The following CELF1 variants were observed in gnomAD, a reference collection of about 807,000 sequenced individuals.
CELF1 encodes the protein CUGBP Elav-like family member 1, also known as 50 kDa nuclear polyadenylated RNA-binding protein.
CELF1 carries 10 observed loss-of-function variants against 61.8 expected under a neutral mutation model. That is an observed-to-expected ratio of 0.16 (90% CI 0.10 to 0.27). CELF1 has a LOEUF of 0.27. Ranked by LOEUF, CELF1 falls within the 10% of genes least tolerant of loss-of-function variation. The pLI, the probability that CELF1 is intolerant of heterozygous loss-of-function variation, is 1.00. For missense variants in CELF1, 380 were observed against 639.1 expected (o/e 0.59, Z 4.37); for synonymous variants, 236 against 225.1 (o/e 1.05, Z -0.43).
chr11:47,526,933 C>T (rs1391333677), intron 1 of CELF1, among the ~76,000 whole-genome samples: 2 of 151,984 alleles, frequency 1.3e-5, no homozygotes, highest in African/African-American at 2.4e-5. Context: ...TGCCTGTAAT[C>T]CCAGCTACTC....
intron 1 of CELF1, among the ~76,000 whole-genome samples, chr11:47,515,650 T>C (rs557147033): frequency 5.3e-5 from 8 of 152,244 alleles, no homozygotes; most frequent in Non-Finnish European, 1.2e-4. Flanking sequence ...TTGATGTCTC[T>C]TGCGGAGTCA....
intron 3 of CELF1, among the ~76,000 whole-genome samples, chr11:47,489,935 G>GTTTTTTTTTGTTTTTTTTT (rs2090270155): frequency 2.1e-5 from 1 of 48,226 alleles, no homozygotes; most frequent in Non-Finnish European, 3.9e-5. Context: ...ATACCATCTT[G>GTTTTTTTTTGTTTTTTTTT]TTTTTTTTTT....
Position 47,473,315 on chromosome 11 carries a change from G to A in CELF1, c.1274-84C>T, listed in dbSNP as rs145993189. 4,482 of 1,274,092 alleles carry A rather than the reference G, an allele frequency of 3.5e-3. 13 individuals carry two copies. The highest frequency in any genetic ancestry group is 4.5e-3 in the Non-Finnish European group (4,089 of 909,518). 78.9% of individuals were successfully genotyped at this position (1,274,092 alleles called of 1,614,324 possible). On this transcript the variant is annotated intron_variant, in intron 13 of 14. Coordinates refer to ENST00000687097, the MANE Select transcript of CELF1 (RefSeq NM_001376376.1). ...CCAGTGATCTTTCATTTCCACCTATGTTAAAACTGTCACAATCCCTAAAAA... is the reference window on the plus strand; with the variant it reads ...CCAGTGATCTTTCATTTCCACCTATATTAAAACTGTCACAATCCCTAAAAA...
intron 2 of CELF1, among the ~76,000 whole-genome samples, chr11:47,562,226 C>CAAAAAAAAAAA (rs745795043): frequency 2.5e-3 from 206 of 81,632 alleles, no homozygotes; most frequent in Middle Eastern, 0.015. Context: ...AACTCCATCT[C>CAAAAAAAAAAA]AAAAAAAAAA....
At chr11:47,564,326 C>G (rs1008521944) in intron 2 of CELF1, 1 of 151,520 alleles carries the variant, frequency 6.6e-6, no homozygotes, top group Non-Finnish European at 1.5e-5. Flanking sequence ...AAATACAAAA[C>G]TTAGCTGGGC....
At chr11:47,477,465 G>T in intron 10 of CELF1, 40 bp from the exon 11 acceptor site, 1 of 1,606,774 alleles carries the variant, frequency 6.2e-7, no homozygotes, top group Non-Finnish European at 8.5e-7. Context: ...GCAGATAAGG[G>T]TGCTTCATAT....
intron 1 of CELF1, among the ~76,000 whole-genome samples, chr11:47,533,212 C>T (rs529633199): frequency 2.0e-5 from 3 of 151,970 alleles, no homozygotes; most frequent in South Asian, 2.1e-4. Context: ...TTAGACCAAG[C>T]GCAGTGACTC....
chr11:47,479,845 C>T (rs1407331613), intron 9 of CELF1, among the ~76,000 whole-genome samples: 1 of 152,150 alleles, frequency 6.6e-6, no homozygotes, highest in Non-Finnish European at 1.5e-5. Context: ...TTCTCTGTCG[C>T]CGCAAATCCT....
chr11:47,490,548 T>A (rs1021355169), intron 3 of CELF1, among the ~76,000 whole-genome samples: 6 of 151,250 alleles, frequency 4.0e-5, no homozygotes, highest in African/African-American at 1.2e-4. Context: ...TGCCTCAGCC[T>A]CCCAAGTAGC....
At chr11:47,475,598 T>C in intron 12 of CELF1, 77 bp from the exon 13 acceptor site, 8 of 1,453,408 alleles carry the variant, frequency 5.5e-6, no homozygotes, top group Non-Finnish European at 7.6e-6. Flanking sequence ...TTGGGACATC[T>C]AGAAGAGGGA....
rs35976407 is a variant in CELF1, at chr11:47,493,513, GAAAAAA to G, written c.72-4495_72-4490del. 8.2e-5 allele frequency among the ~76,000 whole-genome samples: 7 copies of G among 84,914 alleles called. No homozygotes were observed. In the South Asian group the frequency reaches 2.5e-3, roughly 31 times the overall value. The allele number at this position is 84,914 out of a possible 152,430, so 55.7% of individuals were successfully genotyped here. On this transcript the variant is annotated intron_variant, in intron 3 of 14. Transcript: ENST00000687097. ...ACAGAGCAAGACTCCATCTCAAAAA[GAAAAAA>G]AAAAAAAAAAAAAAAAGGGCGTGCA...
chr11:47,505,973 G>C (rs2094460655), intron 1 of CELF1, among the ~76,000 whole-genome samples: 1 of 150,440 alleles, frequency 6.6e-6, no homozygotes, highest in Non-Finnish European at 1.5e-5. Context: ...ACAAATTCTG[G>C]TTCAAGGAAG....
intron 1 of CELF1, among the ~76,000 whole-genome samples, chr11:47,541,255 C>T (rs986381309): frequency 7.3e-5 from 11 of 151,258 alleles, no homozygotes; most frequent in African/African-American, 2.2e-4. Flanking sequence ...CACATTATCA[C>T]CAATATCATA....
intron 2 of CELF1, among the ~76,000 whole-genome samples, chr11:47,564,191 AAAAG>A (rs80212013): frequency 6.7e-6 from 1 of 149,042 alleles, no homozygotes; most frequent in African/African-American, 2.5e-5. Flanking sequence ...AAAAAAAAAA[AAAAG>A]AAAGCCGGGC....
intron 8 of CELF1, among the ~76,000 whole-genome samples, chr11:47,483,218 T>G (rs1054227999): frequency 5.3e-5 from 8 of 152,102 alleles, no homozygotes; most frequent in African/African-American, 1.9e-4. Flanking sequence ...TGAGCCATGA[T>G]ATTCCCACTG....
chr11:47,507,953 C>G (rs2094653061), intron 1 of CELF1, among the ~76,000 whole-genome samples: 1 of 152,048 alleles, frequency 6.6e-6, no homozygotes, highest in Non-Finnish European at 1.5e-5. Flanking sequence ...GCACCTGCCT[C>G]TACCATCAAA....
intron 1 of CELF1, among the ~76,000 whole-genome samples, chr11:47,536,556 G>A (rs1206412989): frequency 6.6e-6 from 1 of 152,074 alleles, no homozygotes; most frequent in East Asian, 1.9e-4. Context: ...GTCAGGTGGA[G>A]TTGGAGGTCA....
At chr11:47,474,797 G>A (rs1468589256) in intron 13 of CELF1, among the ~76,000 whole-genome samples, 1 of 152,194 alleles carries the variant, frequency 6.6e-6, no homozygotes, top group Non-Finnish European at 1.5e-5. Context: ...TCTGGCTAAA[G>A]AGTCTCTCCT....
At chr11:47,563,580 T>G (rs1267877201) in intron 2 of CELF1, among the ~76,000 whole-genome samples, 2 of 152,048 alleles carry the variant, frequency 1.3e-5, no homozygotes, top group Non-Finnish European at 2.9e-5. Context: ...TTCTAGCTAC[T>G]GGGGAGGATG....
Sources: gnomAD v4.1 joint callset for allele counts (sites outside exome capture counted in the v4.1 genomes callset) on GRCh38, gnomAD v4.1.1 for gene constraint, MANE v1.5 for transcripts, NCBI Gene and HGNC (gene_info 2026-07-23, HGNC 2026-07-21) for gene names.